The following ASIC2 variants were observed in gnomAD, a reference collection of about 807,000 sequenced individuals.
ASIC2 encodes acid sensing ion channel subunit 2.
In ASIC2, 25 loss-of-function variants were observed where a neutral mutation model predicts 57.3. That is an observed-to-expected ratio of 0.44 (90% CI 0.32 to 0.61). The LOEUF is 0.61. ASIC2 is among the 20% of genes least tolerant of loss of function. The pLI is 0.06. For missense variants in ASIC2, 641 were observed against 738.1 expected, an observed-to-expected ratio of 0.87 and a Z score of 1.52; for synonymous variants, 319 against 307.5, an observed-to-expected ratio of 1.04 and a Z score of -0.39.
chr17:33,252,989 G>A (rs1406621506), intron 1 of ASIC2, among the ~76,000 whole-genome samples: 1 of 152,144 alleles, frequency 6.6e-6, no homozygotes, highest in African/African-American at 2.4e-5. Flanking sequence ...TTTAATACAT[G>A]AGCTTAACAT....
chr17:34,078,713 C>T (rs1214857350), intron 1 of ASIC2, among the ~76,000 whole-genome samples: 2 of 152,158 alleles, frequency 1.3e-5, no homozygotes, highest in African/African-American at 4.8e-5. Context: ...AGTGCAGGAG[C>T]TCAGTCCTGA....
At chr17:33,989,415 G>A (rs1905933143) in intron 1 of ASIC2, among the ~76,000 whole-genome samples, 1 of 151,934 alleles carries the variant, frequency 6.6e-6, no homozygotes, top group Non-Finnish European at 1.5e-5. Flanking sequence ...ATCTGGAAAT[G>A]GACTAATTTC....
intron 7 of ASIC2, among the ~76,000 whole-genome samples, chr17:33,019,943 C>T (rs993144301): frequency 1.3e-5 from 2 of 151,960 alleles, no homozygotes; most frequent in East Asian, 3.9e-4. Context: ...AGAGGCCTGT[C>T]CTGGGTCCTC....
In ASIC2 at chr17:33,291,980, G is replaced by C; in HGVS notation, c.136C>G (p.Arg46Gly). 2 of 1,294,716 alleles carry C rather than the reference G, an allele frequency of 1.5e-6. No homozygotes were observed. The highest frequency in any genetic ancestry group is 1.9e-6 in the Non-Finnish European group (2 of 1,031,342). The allele number at this position is 1,294,716 out of a possible 1,614,324, so 80.2% of individuals were successfully genotyped here. A position where few individuals can be genotyped will look rare whatever the true frequency, so the allele number is the denominator to read the frequency against. Residue 46 changes from arginine (R) to glycine (G), a missense_variant, in exon 1 of 10, where the codon CGG (arginine) becomes GGG (glycine). This residue lies in a region of ASIC2 where 382 missense variants were observed against 398.0 expected (regional missense o/e 0.96). Transcript: ENST00000225823. ...GQPGGGRGGE[R>G]ALQGPGVARR... is the part of the protein sequence containing the mutation. ...GCGACCCCTGGCCCCTGCAGCGCCC[G>C]CTCGCCGCCTCTGCCGCCCCCGGGC...
intron 1 of ASIC2, among the ~76,000 whole-genome samples, chr17:34,133,851 C>G (rs7212118): frequency 0.13 from 19,123 of 152,204 alleles, 1,370 homozygotes; most frequent in African/African-American, 0.2. Flanking sequence ...TGGGTAATGT[C>G]TGGAGCTTTG....
At chr17:33,248,867 G>A (rs977829115) in intron 1 of ASIC2, among the ~76,000 whole-genome samples, 4 of 152,180 alleles carry the variant, frequency 2.6e-5, no homozygotes, top group African/African-American at 9.6e-5. Flanking sequence ...AATCATTCCT[G>A]CAAAGAGTCT....
intron 1 of ASIC2, among the ~76,000 whole-genome samples, chr17:33,203,164 CT>C (rs1906942382): frequency 6.6e-6 from 1 of 152,172 alleles, no homozygotes; most frequent in Non-Finnish European, 1.5e-5. Context: ...CCACTAGTGC[CT>C]GTATTATGTT....
intron 1 of ASIC2, among the ~76,000 whole-genome samples, chr17:33,573,606 C>T (rs1916522196): frequency 6.6e-6 from 1 of 152,128 alleles, no homozygotes; most frequent in Admixed American, 6.6e-5. Flanking sequence ...TGCTCTGTCA[C>T]CCAGCCTGGA....
chr17:33,777,477 G>A (rs754195717), intron 1 of ASIC2, among the ~76,000 whole-genome samples: 38 of 152,136 alleles, frequency 2.5e-4, no homozygotes, highest in Non-Finnish European at 2.8e-4. Context: ...CCCTGGAAAT[G>A]AGGCTGCCAA....
chr17:33,120,417 A>C (rs2092297502), intron 1 of ASIC2, among the ~76,000 whole-genome samples: 1 of 152,240 alleles, frequency 6.6e-6, no homozygotes. Flanking sequence ...AAACAACACG[A>C]AGGGGAACAA....
chr17:34,141,892 C>G (rs1912282174), intron 1 of ASIC2, among the ~76,000 whole-genome samples: 1 of 152,176 alleles, frequency 6.6e-6, no homozygotes, highest in Admixed American at 6.5e-5. Context: ...ACAATGGCCC[C>G]TGTTTGTTTA....
chr17:33,996,411 A>T (rs886461447), intron 1 of ASIC2, among the ~76,000 whole-genome samples: 11 of 152,282 alleles, frequency 7.2e-5, no homozygotes, highest in Admixed American at 7.2e-4. Context: ...GGTCATAGCC[A>T]AAAAAGTCAT....
intron 1 of ASIC2, among the ~76,000 whole-genome samples, chr17:34,087,083 T>C (rs1199747478): frequency 6.6e-6 from 1 of 152,172 alleles, no homozygotes; most frequent in Admixed American, 6.5e-5. Context: ...CCTGTCATTA[T>C]GATGTTAGCT....
At chr17:33,568,237 G>A (rs1334310296) in intron 1 of ASIC2, among the ~76,000 whole-genome samples, 1 of 152,192 alleles carries the variant, frequency 6.6e-6, no homozygotes, top group African/African-American at 2.4e-5. Flanking sequence ...AGATGTGATA[G>A]CTTGTTCCCA....
At chr17:33,740,904 TC>T (rs1910091395) in intron 1 of ASIC2, among the ~76,000 whole-genome samples, 1 of 152,188 alleles carries the variant, frequency 6.6e-6, no homozygotes, top group African/African-American at 2.4e-5. Flanking sequence ...TATTGTCCCT[TC>T]AACAGGGTTA....
At chr17:33,044,801 T>C (rs1057426893) in intron 3 of ASIC2, among the ~76,000 whole-genome samples, 1 of 152,178 alleles carries the variant, frequency 6.6e-6, no homozygotes, top group Non-Finnish European at 1.5e-5. Context: ...GCAAATGCTA[T>C]AGTGGGGTCA....
chr17:33,410,267 C>A (rs1597718491), intron 1 of ASIC2, among the ~76,000 whole-genome samples: 1 of 152,250 alleles, frequency 6.6e-6, no homozygotes, highest in South Asian at 2.1e-4. Context: ...CCGGAACATG[C>A]TGCTCTGAAT....
intron 1 of ASIC2, among the ~76,000 whole-genome samples, chr17:33,755,101 G>T (rs11651523): frequency 0.34 from 51,663 of 152,008 alleles, 10,700 homozygotes; most frequent in Non-Finnish European, 0.49. Flanking sequence ...GTCAGGTCAA[G>T]GTCATCAAAA....
intron 1 of ASIC2, among the ~76,000 whole-genome samples, chr17:33,141,122 G>A (rs1413055792): frequency 6.6e-6 from 1 of 152,224 alleles, no homozygotes; most frequent in East Asian, 1.9e-4. Context: ...GCATCAGAGA[G>A]TGAGTCCTCT....
Sources: allele counts gnomAD v4.1 joint callset (sites outside exome capture counted in the v4.1 genomes callset), GRCh38; gene constraint gnomAD v4.1.1; regional missense constraint gnomAD v4.1.1; transcripts MANE v1.5; gene names NCBI Gene and HGNC (gene_info 2026-07-23, HGNC 2026-07-21).